Variants in MAPK8IP3 observed in about 807,000 individuals in gnomAD.
MAPK8IP3 encodes the protein C-Jun-amino-terminal kinase-interacting protein 3.
Under a neutral mutation model 157.8 loss-of-function variants are expected in MAPK8IP3, and 49 were observed. That is an observed-to-expected ratio of 0.31 (90% CI 0.25 to 0.39). MAPK8IP3 has a LOEUF of 0.39. Among genes scored for constraint, MAPK8IP3 ranks in the 10% least tolerant of loss-of-function variants. The pLI is 1.00. For synonymous variants in MAPK8IP3, 897 were observed against 777.7 expected (o/e 1.15, Z -2.55); for missense variants, 1,478 against 1,889.4 (o/e 0.78, Z 4.04).
Position 1,743,702 on chromosome 16 carries a change from A to G in MAPK8IP3, c.747+226A>G. On this transcript the variant is annotated intron_variant, in intron 5 of 31. Transcript: ENST00000610761. This position sits in a 1 kb window ranked among gnomAD's most constrained non-coding sequence, Gnocchi z 5.6. ...CTGTTCCACGCGGCCTCGTGTCGGC[A>G]CCTGCTAGTCCAGGCTAGACCTCCC... The G allele has an allele frequency of 7.2e-7, 1 of 1,397,160 alleles. No homozygotes were observed. Among genetic ancestry groups the G allele is most frequent in the Non-Finnish European group, 9.2e-7 (1 of 1,083,394 alleles). The allele number at this position is 1,397,160 out of a possible 1,614,324, so 86.5% of individuals were successfully genotyped here.
intron 2 of MAPK8IP3, among the ~76,000 whole-genome samples, chr16:1,727,944 C>T (rs1014188222): frequency 2.0e-5 from 3 of 152,230 alleles, no homozygotes; most frequent in African/African-American, 4.8e-5. Flanking sequence ...GAGGGCACCA[C>T]GCCGAGGACA....
chr16:1,726,244 C>A (rs1247611016), intron 2 of MAPK8IP3, among the ~76,000 whole-genome samples: 1 of 152,322 alleles, frequency 6.6e-6, no homozygotes, highest in East Asian at 1.9e-4. Flanking sequence ...GCAAAGCAAA[C>A]CTAAGACCCG....
chr16:1,768,331 G>A lies in MAPK8IP3; in HGVS notation c.3695G>A (p.Cys1232Tyr). ...TGCTCCATGGCCCAGGCCCAGCTATGCTTCCATGGGCACCGCGATGCCGTG... is the reference window on the plus strand; with the variant it reads ...TGCTCCATGGCCCAGGCCCAGCTATACTTCCATGGGCACCGCGATGCCGTG... ...PYCSMAQAQLCFHGHRDAVKF... is the reference protein window; with the variant it reads ...PYCSMAQAQLYFHGHRDAVKF... Residue 1232 changes from cysteine (C) to tyrosine (Y), a missense_variant, in exon 30 of 32, where the codon TGC becomes TAC. By Grantham distance (194) the Cys-to-Tyr change is radical (BLOSUM62 -2). Transcript: ENST00000610761. The A allele has an allele frequency of 6.2e-7, 1 of 1,607,502 alleles. No individual in the cohort carries two copies. The highest frequency in any genetic ancestry group is 8.5e-7 in the Non-Finnish European group (1 of 1,179,918).
chr16:1,763,245 A>G (rs953195414), intron 16 of MAPK8IP3, among the ~76,000 whole-genome samples: 7 of 152,216 alleles, frequency 4.6e-5, no homozygotes, highest in African/African-American at 1.7e-4. Context: ...GGCTGTGCCC[A>G]CCAACAGTCA....
At chr16:1,726,870 C>T (rs571568337) in intron 2 of MAPK8IP3, among the ~76,000 whole-genome samples, 2 of 152,320 alleles carry the variant, frequency 1.3e-5, no homozygotes, top group East Asian at 1.9e-4. Flanking sequence ...CAGCCGTTGC[C>T]GGGGTCAGCA....
rs1460134571 is a variant in MAPK8IP3 at position 1,743,633 on chromosome 16, G to T, written c.747+157G>T. 6.9e-7 allele frequency: 1 copy of T among 1,446,250 alleles called. No individual in the cohort carries two copies. The allele number at this position is 1,446,250 out of a possible 1,614,324, so 89.6% of individuals were successfully genotyped here. A position where few individuals can be genotyped will look rare whatever the true frequency, so the allele number is the denominator to read the frequency against. ...GGCAGGATGGAGAAACCCAGCCAGG[G>T]TGTCAGGGGCTCAGGCTGCCCAGCA... On this transcript the variant is annotated intron_variant, in intron 5 of 31. Coordinates refer to ENST00000610761, the MANE Select transcript of MAPK8IP3 (RefSeq NM_001318852.2). The surrounding 1 kb of genome is among the most constrained non-coding windows in gnomAD (Gnocchi z 5.6).
chr16:1,735,635 G>A (rs1259941074), intron 4 of MAPK8IP3, among the ~76,000 whole-genome samples: 1 of 146,158 alleles, frequency 6.8e-6, no homozygotes, highest in African/African-American at 2.6e-5. Context: ...CCGTGTGACT[G>A]TCCATGTGAG....
chr16:1,751,034 C>T lies in MAPK8IP3; in HGVS notation c.1216+2314C>T, dbSNP rs1658895493. On this transcript the variant is annotated intron_variant, in intron 8 of 31. Coordinates refer to ENST00000610761, the MANE Select transcript of MAPK8IP3 (RefSeq NM_001318852.2). The surrounding 1 kb of genome is among the most constrained non-coding windows in gnomAD (Gnocchi z 5.0). Reference sequence around the variant, plus strand: ...CATGTGTACGCAGAACACACAGTGTCAGGTCGCAGCTGCCCTTCTCATTGT... The same window carrying T: ...CATGTGTACGCAGAACACACAGTGTTAGGTCGCAGCTGCCCTTCTCATTGT... Among the ~76,000 whole-genome samples the T allele has an allele frequency of 6.6e-6, 1 of 152,232 alleles. No individual in the cohort carries two copies. Among genetic ancestry groups the T allele is most frequent in the African/African-American group, 2.4e-5 (1 of 41,456 alleles).
chr16:1,710,893 C>G lies in MAPK8IP3; in HGVS notation c.318+4236C>G, dbSNP rs1396476368. 6.6e-6 allele frequency among the ~76,000 whole-genome samples: 1 copy of G among 152,220 alleles called. No homozygotes were observed. Among genetic ancestry groups the G allele is most frequent in the Non-Finnish European group, 1.5e-5 (1 of 68,042 alleles). On this transcript the variant is annotated intron_variant, in intron 1 of 31. Coordinates refer to ENST00000610761, the MANE Select transcript of MAPK8IP3 (RefSeq NM_001318852.2). This position sits in a 1 kb window ranked among gnomAD's most constrained non-coding sequence, Gnocchi z 4.1. ...GCTGTACCACTCACCAGGAGTACAG[C>G]AGTCTCCCTAAAAAGTGGAGCAAAT...
chr16:1,729,897 A>T (rs2039182948), intron 4 of MAPK8IP3, among the ~76,000 whole-genome samples: 1 of 152,094 alleles, frequency 6.6e-6, no homozygotes, highest in Non-Finnish European at 1.5e-5. Flanking sequence ...TTGCAAATGT[A>T]TCTACTCGCT....
Position 1,767,135 on chromosome 16 carries a change from G to C in MAPK8IP3, c.3089-14G>C, listed in dbSNP as rs372953837. 5 of 1,612,418 alleles carry C rather than the reference G, an allele frequency of 3.1e-6. No individual in the cohort carries two copies. The highest frequency in any genetic ancestry group is 2.7e-5 in the African/African-American group (2 of 74,934). On this transcript the variant is annotated splice_polypyrimidine_tract_variant and intron_variant, in intron 25 of 31. Coordinates refer to ENST00000610761, the MANE Select transcript of MAPK8IP3 (RefSeq NM_001318852.2). ...CCTGGCCAGGCCTGAGCAGGTGTCC[G>C]GGGCTCCCTCCAGATGGCCAGTGGG... is the stretch of plus-strand genomic sequence containing the variant.
chr16:1,712,767 T>G (rs1340990956), intron 1 of MAPK8IP3, among the ~76,000 whole-genome samples: 3 of 152,000 alleles, frequency 2.0e-5, no homozygotes, highest in African/African-American at 7.3e-5. Context: ...CCCCCACCCC[T>G]CCCTCGGGGT....
rs768654275 is a variant in MAPK8IP3 at position 1,766,384 on chromosome 16, C to T, written c.2794C>T (p.Pro932Ser). ...CGTCTTCACTGACCCAGCCCCGACCCCGTCCTCTGGCCCCCAGCCTGGCAG... is the reference window on the plus strand; with the variant it reads ...CGTCTTCACTGACCCAGCCCCGACCTCGTCCTCTGGCCCCCAGCCTGGCAG... ...EHVFTDPAPTPSSGPQPGSEN... is the reference protein window; with the variant it reads ...EHVFTDPAPTSSSGPQPGSEN... The change falls in exon 22 of 32, where the codon CCG (proline) becomes TCG (serine). Residue 932 changes from proline (P) to serine (S), a missense_variant. Physicochemically the swap from Pro to Ser is moderately conservative, Grantham distance 74 (BLOSUM62 -1). Transcript: ENST00000610761. The T allele has an allele frequency of 1.9e-6, 3 of 1,611,650 alleles. No individual in the cohort carries two copies. The South Asian group carries it at 3.3e-5, about 18-fold the overall frequency.
At chr16:1,718,230 G>T (rs2038285317) in intron 1 of MAPK8IP3, among the ~76,000 whole-genome samples, 2 of 150,760 alleles carry the variant, frequency 1.3e-5, no homozygotes, top group South Asian at 4.2e-4. Flanking sequence ...TGTCACTCGG[G>T]CTGGAGTGCA....
chr16:1,763,027 A>T, intron 16 of MAPK8IP3, 21 bp downstream of exon 16: 1 of 1,611,548 alleles, frequency 6.2e-7, no homozygotes, highest in African/African-American at 1.3e-5. Flanking sequence ...CGCAGCCCCC[A>T]CTTGTGGCCT....
At chr16:1,763,603 C>G (rs2042076930) in intron 16 of MAPK8IP3, 54 bp from the exon 17 acceptor site, 1 of 1,454,434 alleles carries the variant, frequency 6.9e-7, no homozygotes, top group Non-Finnish European at 9.1e-7. Context: ...GCCTGGGGCA[C>G]TGTGGGGGCC....
Position 1,739,307 on chromosome 16 carries a change from TGTGA to T in MAPK8IP3, c.603-4021_603-4018del, listed in dbSNP as rs371796202. Among the ~76,000 whole-genome samples, 565 of 134,098 alleles carry T rather than the reference TGTGA, an allele frequency of 4.2e-3. 3 individuals are homozygous for T. Among genetic ancestry groups the T allele is most frequent in the African/African-American group, 0.012 (401 of 34,514 alleles). The allele number at this position is 134,098 out of a possible 152,430, so 88.0% of individuals were successfully genotyped here. A position where few individuals can be genotyped will look rare whatever the true frequency, so the allele number is the denominator to read the frequency against. Reference sequence around the variant, plus strand: ...ATCCATGTGAGCCTGTGACCGTCCGTGTGAGTGTGTGACCATCCGTGTGAGAGTG... The same window carrying T: ...ATCCATGTGAGCCTGTGACCGTCCGTGTGTGTGACCATCCGTGTGAGAGTG... On this transcript the variant is annotated intron_variant, in intron 4 of 31. Transcript: ENST00000610761.
intron 6 of MAPK8IP3, among the ~76,000 whole-genome samples, chr16:1,747,896 A>G (rs2041064632): frequency 1.3e-5 from 2 of 152,210 alleles, no homozygotes; most frequent in Admixed American, 1.3e-4. Context: ...GCGTTGCCCC[A>G]CGGCACACAG....
chr16:1,768,865 C>CGACCACCT lies in MAPK8IP3; in HGVS notation c.*46_*53dup, dbSNP rs1555459538. On this transcript the variant is annotated 3_prime_UTR_variant, in exon 32 of 32. Transcript: ENST00000610761. ...TGGCCCGACCTGTACATAGGACCCC[C>CGACCACCT]GACCACCTGACCCCCGCCCGGCCCG... is the stretch of plus-strand genomic sequence containing the variant. 1 of 1,600,878 alleles carries CGACCACCT rather than the reference C, an allele frequency of 6.2e-7. No homozygotes were observed. Among genetic ancestry groups the CGACCACCT allele is most frequent in the Non-Finnish European group, 8.5e-7 (1 of 1,174,390 alleles).
Sources: gnomAD v4.1 joint callset for allele counts (sites outside exome capture counted in the v4.1 genomes callset) on GRCh38, gnomAD v4.1.1 for gene constraint, Gnocchi (gnomAD v3.1) non-coding constraint, MANE v1.5 for transcripts, NCBI Gene and HGNC (gene_info 2026-07-23, HGNC 2026-07-21) for gene names.